The following ADRA1B variants were observed in gnomAD, a reference collection of about 807,000 sequenced individuals.
ADRA1B encodes the protein alpha-1B adrenergic receptor.
A neutral mutation model predicts 17.9 loss-of-function variants in ADRA1B; 17 were observed. The ratio of observed to expected loss-of-function variants is 0.95; its 90% CI spans 0.65 to 1.42. ADRA1B has a LOEUF of 1.42. ADRA1B is among the 40% of genes most tolerant of loss of function. ADRA1B has a pLI of 0.00. For missense variants in ADRA1B, 681 were observed against 722.1 expected (o/e 0.94, Z 0.65); for synonymous variants, 366 against 327.6 (o/e 1.12, Z -1.27).
chr5:159,913,926 C>T (rs1174687536), upstream of ADRA1B, among the ~76,000 whole-genome samples: 2 of 152,304 alleles, frequency 1.3e-5, no homozygotes, highest in South Asian at 4.1e-4. Flanking sequence ...ATGCCAGCTA[C>T]GTGCCAGGTT....
chr5:159,868,411 T>C (rs1342938986), intron 1 of ADRA1B: 1 of 152,174 alleles, frequency 6.6e-6, no homozygotes, highest in East Asian at 1.9e-4. Context: ...AAACAAGAGT[T>C]GAGCTAGGTG....
intron 1 of ADRA1B, among the ~76,000 whole-genome samples, chr5:159,965,849 A>T (rs7736759): frequency 0.33 from 50,354 of 151,152 alleles, 9,162 homozygotes; most frequent in African/African-American, 0.48. Flanking sequence ...TTATTTATTT[A>T]TTTTTTTGAC....
At position 159,871,348 on chromosome 5, in the gene ADRA1B, A is replaced by G. The variant is rs187667436; in HGVS notation, c.-256+6142A>G. 2.0e-5 allele frequency: 3 copies of G among 152,334 alleles called. No individual in the cohort carries two copies. The East Asian group carries it at 5.8e-4, about 29-fold the overall frequency. The allele number at this position is 152,334 out of a possible 1,614,324, so 9.4% of individuals were successfully genotyped here. A position where few individuals can be genotyped will look rare whatever the true frequency, so the allele number is the denominator to read the frequency against. On this transcript the variant is annotated intron_variant, in intron 1 of 2. Coordinates refer to the ADRA1B transcript ENST00000641205. The stretch of plus-strand genomic sequence containing the variant: ...GTCTATATTGGTCTCTAAGGCTCCC[A>G]TAACAAAGCACCACAAACTCGATGA...
intron 1 of ADRA1B, among the ~76,000 whole-genome samples, chr5:159,960,380 G>A (rs1348326592): frequency 6.6e-6 from 1 of 152,196 alleles, no homozygotes. Flanking sequence ...ACAAACTAGA[G>A]GAGTCACTGG....
Position 159,886,616 on chromosome 5 carries a change from C to A in ADRA1B, c.-256+21410C>A, listed in dbSNP as rs548704537. 3.3e-4 allele frequency among the ~76,000 whole-genome samples: 51 copies of A among 152,284 alleles called. 1 individual carries two copies. The Middle Eastern group carries it at 0.01, about 30-fold the overall frequency. On this transcript the variant is annotated intron_variant, in intron 1 of 2. Transcript: ENST00000641205. ...TGCTAAGGATGAGTCACAGGGGGCTCTGCCATAGGGACCTCATAGGCCTTG... is the reference window on the plus strand; with the variant it reads ...TGCTAAGGATGAGTCACAGGGGGCTATGCCATAGGGACCTCATAGGCCTTG...
chr5:159,935,494 CCTT>C (rs1227094349), intron 1 of ADRA1B, among the ~76,000 whole-genome samples: 4 of 152,040 alleles, frequency 2.6e-5, no homozygotes, highest in Admixed American at 2.0e-4. Context: ...TCACCTCTCT[CCTT>C]CCCAAAGGCA....
the ADRA1B span, among the ~76,000 whole-genome samples, chr5:159,986,573 A>G: frequency 6.6e-6 from 1 of 152,330 alleles, no homozygotes; most frequent in African/African-American, 2.4e-5. Context: ...AGAGGAGAAG[A>G]ATCACTCAGT....
At chr5:159,909,893 A>T (rs1309262147) in intron 1 of ADRA1B, among the ~76,000 whole-genome samples, 2 of 152,222 alleles carry the variant, frequency 1.3e-5, no homozygotes, top group African/African-American at 4.8e-5. Context: ...CCTATAAGGA[A>T]TTCAGGAAAA....
Position 159,972,042 on chromosome 5 carries a change from CCGCCGCCGACGCCGCCGCCGCCGT to C in ADRA1B, c.1118_1141del (p.Arg373_Arg380del). ...TCGGGTGCCAGTGCCGCGGCCGCGG[CCGCCGCCGACGCCGCCGCCGCCGT>C]CGCCTGGGCGGCTGCGCCTACACCT... is the stretch of plus-strand genomic sequence containing the variant. On this transcript the variant is annotated inframe_deletion, in exon 2 of 2. Coordinates refer to ENST00000306675, the MANE Select transcript of ADRA1B (RefSeq NM_000679.4). 7.2e-7 allele frequency: 1 copy of C among 1,383,176 alleles called. No individual in the cohort carries two copies. The highest frequency in any genetic ancestry group is 9.4e-7 in the Non-Finnish European group (1 of 1,067,888). 85.7% of individuals were successfully genotyped at this position (1,383,176 alleles called of 1,614,324 possible). A position where few individuals can be genotyped will look rare whatever the true frequency, so the allele number is the denominator to read the frequency against.
chr5:159,901,029 C>T (rs1754095071), intron 1 of ADRA1B, among the ~76,000 whole-genome samples: 1 of 151,918 alleles, frequency 6.6e-6, no homozygotes, highest in South Asian at 2.1e-4. Flanking sequence ...AAAAACCTGC[C>T]TATGGATATA....
chr5:159,890,593 G>A (rs934856791), intron 1 of ADRA1B, among the ~76,000 whole-genome samples: 1 of 152,208 alleles, frequency 6.6e-6, no homozygotes, highest in Non-Finnish European at 1.5e-5. Flanking sequence ...ATGTCTGGCT[G>A]TTGATGCTTG....
At chr5:159,884,357 C>T (rs1408514371) in intron 1 of ADRA1B, among the ~76,000 whole-genome samples, 2 of 152,162 alleles carry the variant, frequency 1.3e-5, no homozygotes, top group Admixed American at 6.5e-5. Flanking sequence ...GGGCTCTGCC[C>T]TCATGCAAGG....
chr5:159,939,322 T>TGCGCGCGCGC (rs542707574), intron 1 of ADRA1B, among the ~76,000 whole-genome samples: 57 of 107,642 alleles, frequency 5.3e-4, no homozygotes, highest in East Asian at 3.8e-3. Flanking sequence ...TGTGTGTGTG[T>TGCGCGCGCGC]GCGCGCGCGC....
intron 1 of ADRA1B, among the ~76,000 whole-genome samples, chr5:159,957,506 C>CAAA (rs201392371): frequency 8.7e-5 from 8 of 91,912 alleles, no homozygotes; most frequent in African/African-American, 1.3e-4. Context: ...GACTCTGTCT[C>CAAA]AAAAAAAAAA....
chr5:159,933,960 G>A (rs1581045737), intron 1 of ADRA1B, among the ~76,000 whole-genome samples: 1 of 152,210 alleles, frequency 6.6e-6, no homozygotes, highest in East Asian at 1.9e-4. Context: ...TTGAGGGAAT[G>A]CAGTAGACAG....
In ADRA1B at chr5:159,917,017, C is replaced by A. The variant is rs748303035; in HGVS notation, c.112C>A (p.Pro38Thr). 1.2e-6 allele frequency: 2 copies of A among 1,614,172 alleles called. No individual in the cohort carries two copies. The highest frequency in any genetic ancestry group is 1.7e-6 in the Non-Finnish European group (2 of 1,180,034). ...CCAGACCTCGAGCAACTCCACACTG[C>A]CCCAGCTGGACATCACCAGGGCCAT... ...PNQTSSNSTL[P>T]QLDITRAISV... The change falls in exon 1 of 2, where the codon CCC becomes ACC. Residue 38 changes from proline to threonine, a missense_variant. Around this residue, in one of 3 missense-constraint regions of ADRA1B, gnomAD observed 424 missense variants for 480.2 expected, o/e 0.88. Transcript: ENST00000306675.
At chr5:159,895,896 C>T (rs1420610832) in intron 1 of ADRA1B, among the ~76,000 whole-genome samples, 2 of 152,208 alleles carry the variant, frequency 1.3e-5, no homozygotes, top group African/African-American at 4.8e-5. Context: ...GTGGGTGGAT[C>T]ACCTGAGGTC....
At chr5:159,961,033 T>A (rs1049753880) in intron 1 of ADRA1B, among the ~76,000 whole-genome samples, 1 of 152,200 alleles carries the variant, frequency 6.6e-6, no homozygotes, top group African/African-American at 2.4e-5. Context: ...AAGGGACAAA[T>A]GCCACATTTT....
intron 1 of ADRA1B, among the ~76,000 whole-genome samples, chr5:159,882,032 A>G (rs747902213): frequency 1.3e-5 from 2 of 152,184 alleles, no homozygotes; most frequent in Non-Finnish European, 2.9e-5. Context: ...GAAACACAGA[A>G]GGTCCCATCT....
Sources: gnomAD v4.1 joint callset for allele counts (sites outside exome capture counted in the v4.1 genomes callset) on GRCh38, gnomAD v4.1.1 for gene constraint, gnomAD v4.1.1 regional missense constraint, MANE v1.5 for transcripts, NCBI Gene and HGNC (gene_info 2026-07-23, HGNC 2026-07-21) for gene names.